Variants in PPP4R3A observed in about 807,000 individuals in gnomAD.
PPP4R3A encodes the protein serine/threonine-protein phosphatase 4 regulatory subunit 3A.
A neutral mutation model predicts 91.7 loss-of-function variants in PPP4R3A; 15 were observed. The observed-to-expected ratio is 0.16, with a 90% CI of 0.11 to 0.25. The LOEUF is 0.25. PPP4R3A is among the 10% of genes least tolerant of loss of function. PPP4R3A has a pLI of 1.00. For synonymous variants in PPP4R3A, 377 were observed against 348.7 expected (o/e 1.08, Z -0.91); for missense variants, 623 against 998.4 (o/e 0.62, Z 5.07).
In PPP4R3A at chr14:91,492,812, A is replaced by G. The variant is rs535940243; in HGVS notation, c.143-2010T>C. 5.3e-5 allele frequency among the ~76,000 whole-genome samples: 8 copies of G among 152,258 alleles called. No homozygotes were observed. The South Asian group carries it at 1.7e-3, about 32-fold the overall frequency. On this transcript the variant is annotated intron_variant, in intron 1 of 14. Transcript: ENST00000554943. ...GTTTTAATCTTCTTCCTCTTTATCCAACTTTTGCCAGATTAATCAAAACAC... is the reference window on the plus strand; with the variant it reads ...GTTTTAATCTTCTTCCTCTTTATCCGACTTTTGCCAGATTAATCAAAACAC...
intron 4 of PPP4R3A, among the ~76,000 whole-genome samples, chr14:91,479,277 AAAG>A (rs1889393446): frequency 6.8e-6 from 1 of 146,858 alleles, no homozygotes; most frequent in Admixed American, 7.1e-5. Flanking sequence ...CACAGGCATC[AAAG>A]AATAAAAAAC....
At chr14:91,497,545 C>A (rs564189749) in intron 1 of PPP4R3A, among the ~76,000 whole-genome samples, 1 of 152,238 alleles carries the variant, frequency 6.6e-6, no homozygotes, top group Non-Finnish European at 1.5e-5. Context: ...AAGTGGAATG[C>A]ATCAGTACAA....
intron 14 of PPP4R3A, 71 bp downstream of exon 14, chr14:91,461,310 C>T (rs1888139396): frequency 4.2e-6 from 6 of 1,416,434 alleles, no homozygotes; most frequent in Admixed American, 1.8e-5. Context: ...CAAAGGGAAT[C>T]TTAGTCAAAA....
Position 91,509,484 on chromosome 14 carries a change from CG to C in PPP4R3A, c.142+21del, listed in dbSNP as rs746626355. The C allele has an allele frequency of 1.9e-6, 3 of 1,570,590 alleles. No homozygotes were observed. The East Asian group carries it at 7.0e-5, about 37-fold the overall frequency. ...AGGGCCGTGGGGGCTGCGAGGGTCC[CG>C]CCGCGCGGGGCTTCACTTACCGTCG... On this transcript the variant is annotated intron_variant, in intron 1 of 14. Transcript: ENST00000554943.
At chr14:91,468,344 T>C (rs1888605194) in intron 10 of PPP4R3A, among the ~76,000 whole-genome samples, 1 of 152,176 alleles carries the variant, frequency 6.6e-6, no homozygotes, top group South Asian at 2.1e-4. Flanking sequence ...GAAAAGTCCT[T>C]TGCTTTCAGC....
chr14:91,482,537 A>T (rs1237538842), intron 3 of PPP4R3A, among the ~76,000 whole-genome samples: 1 of 152,120 alleles, frequency 6.6e-6, no homozygotes, highest in Non-Finnish European at 1.5e-5. Context: ...CTAACATCTC[A>T]TATCCCTGGC....
At chr14:91,508,480 T>A (rs1395943137) in intron 1 of PPP4R3A, among the ~76,000 whole-genome samples, 1 of 152,178 alleles carries the variant, frequency 6.6e-6, no homozygotes, top group Non-Finnish European at 1.5e-5. Context: ...CTGCAAAATA[T>A]AAACTAATGT....
At chr14:91,469,955 A>G (rs150559106) in intron 10 of PPP4R3A, among the ~76,000 whole-genome samples, 3 of 152,202 alleles carry the variant, frequency 2.0e-5, no homozygotes, top group Non-Finnish European at 2.9e-5. Flanking sequence ...TAAAAAATCA[A>G]TTAAGCAAAA....
intron 4 of PPP4R3A, 114 bp from the exon 5 acceptor site, chr14:91,477,100 G>T: frequency 4.6e-6 from 3 of 659,024 alleles, no homozygotes; most frequent in South Asian, 2.7e-5. Context: ...GGTGGTATTG[G>T]CAATGCTGTC....
Position 91,458,472 on chromosome 14 carries a change from A to G in PPP4R3A, c.*287T>C. The G allele has an allele frequency of 2.2e-6, 1 of 455,090 alleles. No individual in the cohort carries two copies. Among genetic ancestry groups the G allele is most frequent in the South Asian group, 2.1e-5 (1 of 46,654 alleles). The allele number at this position is 455,090 out of a possible 1,614,324, so 28.2% of individuals were successfully genotyped here. A position where few individuals can be genotyped will look rare whatever the true frequency, so the allele number is the denominator to read the frequency against. ...CCAGTCAATCCAGAGTTCCACTTACAAAACCCCTGCCCTGTTGGCTTTTTG... is the reference window on the plus strand; with the variant it reads ...CCAGTCAATCCAGAGTTCCACTTACGAAACCCCTGCCCTGTTGGCTTTTTG... On this transcript the variant is annotated 3_prime_UTR_variant, in exon 15 of 15. Transcript: ENST00000554943.
At chr14:91,490,660 A>C (rs1456495173) in intron 2 of PPP4R3A, 87 bp downstream of exon 2, 1 of 1,080,200 alleles carries the variant, frequency 9.3e-7, no homozygotes, top group Non-Finnish European at 1.4e-6. Flanking sequence ...ATCTCTTCTA[A>C]ATTTTTCACT....
chr14:91,473,706 C>T (rs1888988166), intron 7 of PPP4R3A, among the ~76,000 whole-genome samples: 1 of 152,202 alleles, frequency 6.6e-6, no homozygotes, highest in South Asian at 2.1e-4. Flanking sequence ...GTTTTATGAC[C>T]ATAGCTTTAA....
chr14:91,480,137 T>C (rs995454847), intron 4 of PPP4R3A, among the ~76,000 whole-genome samples: 7 of 152,228 alleles, frequency 4.6e-5, no homozygotes, highest in South Asian at 4.1e-4. Context: ...ATCAGAGAGA[T>C]TGGGCATACT....
rs540326411 is a variant in PPP4R3A, at chr14:91,476,336, G to T, written c.1110+72C>A. 18 of 1,058,580 alleles carry T rather than the reference G, an allele frequency of 1.7e-5. No individual in the cohort carries two copies. The East Asian group carries it at 3.1e-4, about 18-fold the overall frequency. 65.6% of individuals were successfully genotyped at this position (1,058,580 alleles called of 1,614,324 possible). A position where few individuals can be genotyped will look rare whatever the true frequency, so the allele number is the denominator to read the frequency against. On this transcript the variant is annotated intron_variant, in intron 6 of 14. Coordinates refer to ENST00000554943, the MANE Select transcript of PPP4R3A (RefSeq NM_001366432.2). ...AAATATTGGCTATAATAGAATATTT[G>T]CATGTAGCATTAAAAATATTAATTT...
chr14:91,492,047 T>C (rs1260049280), intron 1 of PPP4R3A, among the ~76,000 whole-genome samples: 1 of 152,192 alleles, frequency 6.6e-6, no homozygotes, highest in Non-Finnish European at 1.5e-5. Context: ...AGTAAAGACA[T>C]GATAATCTGA....
intron 1 of PPP4R3A, 92 bp from the exon 2 acceptor site, chr14:91,490,894 AT>A (rs1890196063): frequency 1.0e-4 from 55 of 539,858 alleles, no homozygotes; most frequent in South Asian, 2.4e-4. Context: ...AAAAAAAATA[AT>A]AATAATTTTT....
Position 91,462,771 on chromosome 14 carries a change from TGTTCAAATCTCA to T in PPP4R3A, c.1925_1936del (p.Leu642_Glu645del), listed in dbSNP as rs1208236168. On this transcript the variant is annotated inframe_deletion, in exon 12 of 15. Coordinates refer to ENST00000554943, the MANE Select transcript of PPP4R3A (RefSeq NM_001366432.2). Reference sequence around the variant, plus strand: ...GGGATTATCTTGCCTTTCTCTTTGTTGTTCAAATCTCAGTTTTAATCCTTTAAATGTCTGTAC... The same window carrying T: ...GGGATTATCTTGCCTTTCTCTTTGTTGTTTTAATCCTTTAAATGTCTGTAC... 1.2e-6 allele frequency: 2 copies of T among 1,613,624 alleles called. No homozygotes were observed. Among genetic ancestry groups the T allele is most frequent in the Non-Finnish European group, 1.7e-6 (2 of 1,179,786 alleles).
At position 91,457,725 on chromosome 14, in the gene PPP4R3A, A is replaced by T. The variant is rs1324806500; in HGVS notation, c.*1034T>A. On this transcript the variant is annotated 3_prime_UTR_variant, in exon 15 of 15. Transcript: ENST00000554943. ...TTTCCCCAAGAAAAGAAATTTCAGA[A>T]TCTCTTTGGAATACTAATTTCATGT... 1 of 152,646 alleles carries T rather than the reference A, an allele frequency of 6.6e-6. No individual in the cohort carries two copies. The highest frequency in any genetic ancestry group is 1.5e-5 in the Non-Finnish European group (1 of 68,024). The allele number at this position is 152,646 out of a possible 1,614,324, so 9.5% of individuals were successfully genotyped here.
In PPP4R3A at chr14:91,481,627, T is replaced by C; in HGVS notation, c.864A>G (p.Thr288=). Residue 288 remains threonine, a synonymous_variant, in exon 4 of 15, where the codon ACA becomes ACG. Transcript: ENST00000554943. ...TATTGAAAAAGATAAAAGAGTGAAG[T>C]GTTGATAACATGTTTTCTTCAAAGA... The part of the protein sequence containing the change: ...PSVFEENMLS[T]LHSFIFFNKV... The C allele has an allele frequency of 6.2e-7, 1 of 1,604,440 alleles. No individual in the cohort carries two copies. Among genetic ancestry groups the C allele is most frequent in the Non-Finnish European group, 8.5e-7 (1 of 1,177,176 alleles).
Sources: gnomAD v4.1 joint callset for allele counts (sites outside exome capture counted in the v4.1 genomes callset) on GRCh38, gnomAD v4.1.1 for gene constraint, MANE v1.5 for transcripts, NCBI Gene and HGNC (gene_info 2026-07-23, HGNC 2026-07-21) for gene names.